Variants in CD163L1 observed in about 807,000 individuals in gnomAD.
CD163L1 encodes the protein scavenger receptor cysteine-rich type 1 protein M160.
In CD163L1, 124 loss-of-function variants were observed where a neutral mutation model predicts 165.4. That is an observed-to-expected ratio of 0.75 (90% CI 0.65 to 0.87). CD163L1 has a LOEUF of 0.87. Ranked by LOEUF, CD163L1 falls within the 40% of genes least tolerant of loss-of-function variation. CD163L1 has a pLI of 0.00. For missense variants in CD163L1, 1,525 were observed against 1,799.9 expected (o/e 0.85, Z 2.76); for synonymous variants, 585 against 662.2 (o/e 0.88, Z 1.79).
At chr12:7,328,335 C>T in the CD163L1 span, 1,425 of 1,595,080 alleles carry the variant, frequency 8.9e-4, no homozygotes, top group Non-Finnish European at 1.1e-3. Context: ...GAAAATCAAA[C>T]GCAACGTTTT....
At chr12:7,329,981 C>G in the CD163L1 span, among the ~76,000 whole-genome samples, 1 of 152,332 alleles carries the variant, frequency 6.6e-6, no homozygotes, top group African/African-American at 2.4e-5. Flanking sequence ...TAATTTTATT[C>G]TGAGTCCTTT....
intron 18 of CD163L1, among the ~76,000 whole-genome samples, chr12:7,362,370 A>G (rs912073590): frequency 2.9e-5 from 4 of 137,376 alleles, no homozygotes; most frequent in African/African-American, 1.1e-4. Flanking sequence ...TATTAAATAT[A>G]TATTATATAA....
In CD163L1 at chr12:7,421,744, TG is replaced by T. The variant is rs1373379771; in HGVS notation, c.766+10671del. On this transcript the variant is annotated intron_variant, in intron 4 of 19. Coordinates refer to ENST00000313599, the MANE Select transcript of CD163L1 (RefSeq NM_174941.6). Reference sequence around the variant, plus strand: ...ACGTATATATGTATATATGTGTGTGTGTATATATATATATATATATATATAT... The same window carrying T: ...ACGTATATATGTATATATGTGTGTGTTATATATATATATATATATATATAT... 1.8e-3 allele frequency among the ~76,000 whole-genome samples: 4 copies of T among 2,196 alleles called. No individual in the cohort carries two copies. In the Admixed American group the frequency reaches 0.039, roughly 22 times the overall value. The allele number at this position is 2,196 out of a possible 152,430, so 1.4% of individuals were successfully genotyped here.
intron 4 of CD163L1, among the ~76,000 whole-genome samples, chr12:7,429,278 G>A (rs1463470451): frequency 1.3e-5 from 2 of 151,830 alleles, no homozygotes; most frequent in Non-Finnish European, 2.9e-5. Flanking sequence ...GGCATTACTG[G>A]AAATAATCAA....
rs377752955 is a variant in CD163L1 at position 7,398,978 on chromosome 12, A to G, written c.1409-394T>C. ...TTAGCACCAAAGCTTATCCCCTCAT[A>G]GTCGTCATTTTAGTTTGTCCACTCA... On this transcript the variant is annotated intron_variant, in intron 6 of 19. Coordinates refer to ENST00000313599, the MANE Select transcript of CD163L1 (RefSeq NM_174941.6). This position sits in a 1 kb window ranked among gnomAD's most constrained non-coding sequence, Gnocchi z 4.5. Among the ~76,000 whole-genome samples the G allele has an allele frequency of 1.6e-4, 24 of 152,152 alleles. No homozygotes were observed. The highest frequency in any genetic ancestry group is 1.6e-3 in the Admixed American group (24 of 15,276).
At chr12:7,324,143 G>C in the CD163L1 span, 3 of 1,098,684 alleles carry the variant, frequency 2.7e-6, no homozygotes, top group Non-Finnish European at 2.5e-6. Flanking sequence ...GCAACAGAGA[G>C]AGACTCTGTC....
the CD163L1 span, chr12:7,324,309 G>GA: frequency 6.2e-7 from 1 of 1,613,764 alleles, no homozygotes; most frequent in Admixed American, 1.7e-5. Context: ...GATAAGAGGA[G>GA]ATTTTTATGT....
Position 7,374,347 on chromosome 12 carries a change from G to T in CD163L1, c.3409+95C>A, listed in dbSNP as rs1947207709. ...GTGGATTTTTTGTTTGTATTCCTAG[G>T]CCATACACTTTTCACTACACTTTAC... On this transcript the variant is annotated intron_variant, in intron 13 of 19. Transcript: ENST00000313599. This position sits in a 1 kb window ranked among gnomAD's most constrained non-coding sequence, Gnocchi z 5.4. 2 of 1,313,108 alleles carry T rather than the reference G, an allele frequency of 1.5e-6. No individual in the cohort carries two copies. The highest frequency in any genetic ancestry group is 2.1e-6 in the Non-Finnish European group (2 of 956,898). The allele number at this position is 1,313,108 out of a possible 1,614,324, so 81.3% of individuals were successfully genotyped here.
chr12:7,429,930 G>A (rs1948602185), intron 4 of CD163L1, among the ~76,000 whole-genome samples: 1 of 152,136 alleles, frequency 6.6e-6, no homozygotes, highest in South Asian at 2.1e-4. Flanking sequence ...CCCAGTCTGA[G>A]TACCAGCCCT....
At position 7,444,137 on chromosome 12, in the gene CD163L1, A is replaced by T; in HGVS notation, c.-10T>A. Reference sequence around the variant, plus strand: ...TTTGAGGCAGCATCATTATGGGTCTATCTCTTCCTGAGTCCTGATGTAACT... The same window carrying T: ...TTTGAGGCAGCATCATTATGGGTCTTTCTCTTCCTGAGTCCTGATGTAACT... On this transcript the variant is annotated 5_prime_UTR_variant, in exon 1 of 20. Transcript: ENST00000313599. The T allele has an allele frequency of 1.2e-6, 2 of 1,613,708 alleles. No homozygotes were observed. The highest frequency in any genetic ancestry group is 3.3e-4 in the Middle Eastern group (2 of 6,060).
intron 8 of CD163L1, among the ~76,000 whole-genome samples, chr12:7,384,181 C>A (rs1446229300): frequency 6.7e-6 from 1 of 148,940 alleles, no homozygotes; most frequent in East Asian, 2.0e-4. Flanking sequence ...TAAAAAAAAT[C>A]AAATAAAGCA....
the CD163L1 span, chr12:7,327,002 T>C: frequency 1.2e-6 from 2 of 1,612,154 alleles, no homozygotes; most frequent in South Asian, 2.2e-5. Flanking sequence ...TTGTCTTAGC[T>C]GCACCCTTTA....
the CD163L1 span, chr12:7,322,578 G>A: frequency 1.3e-6 from 2 of 1,571,024 alleles, no homozygotes; most frequent in Non-Finnish European, 1.7e-6. Flanking sequence ...GTATATGTGG[G>A]GGCCTTTCTG....
intron 6 of CD163L1, among the ~76,000 whole-genome samples, chr12:7,403,096 A>G (rs959495537): frequency 7.2e-5 from 11 of 152,178 alleles, no homozygotes; most frequent in African/African-American, 2.4e-4. Context: ...CAACATATGC[A>G]TATAAATATA....
intron 2 of CD163L1, among the ~76,000 whole-genome samples, chr12:7,435,049 A>G (rs1404273462): frequency 1.3e-5 from 2 of 152,122 alleles, no homozygotes; most frequent in Non-Finnish European, 2.9e-5. Flanking sequence ...CATATCATAT[A>G]ACTCTTAAGT....
At chr12:7,418,209 T>C (rs185170443) in intron 4 of CD163L1, among the ~76,000 whole-genome samples, 137 of 151,772 alleles carry the variant, frequency 9.0e-4, no homozygotes, top group Middle Eastern at 3.4e-3. Flanking sequence ...TGGAAGAAAA[T>C]TGGAAATCAA....
At chr12:7,411,405 A>T (rs1414177009) in intron 4 of CD163L1, among the ~76,000 whole-genome samples, 1 of 152,050 alleles carries the variant, frequency 6.6e-6, no homozygotes, top group Non-Finnish European at 1.5e-5. Flanking sequence ...ATTCCCCAGT[A>T]TTCAAGGTGG....
chr12:7,409,263 T>A (rs1948086178), intron 4 of CD163L1, among the ~76,000 whole-genome samples: 2 of 152,332 alleles, frequency 1.3e-5, no homozygotes, highest in South Asian at 4.2e-4. Flanking sequence ...TTTATTTTTG[T>A]ATACTAATTT....
chr12:7,328,315 C>A, the CD163L1 span: 1 of 1,593,074 alleles, frequency 6.3e-7, no homozygotes, highest in Non-Finnish European at 8.6e-7. Flanking sequence ...CTCCCAAAGA[C>A]AATCACTGGG....
Sources: allele counts gnomAD v4.1 joint callset (sites outside exome capture counted in the v4.1 genomes callset), GRCh38; gene constraint gnomAD v4.1.1; non-coding constraint Gnocchi (gnomAD v3.1); transcripts MANE v1.5; gene names NCBI Gene and HGNC (gene_info 2026-07-23, HGNC 2026-07-21).